The following ARHGAP40 variants were observed in gnomAD, a reference collection of about 807,000 sequenced individuals.
ARHGAP40 encodes the protein Rho GTPase activating protein 40, also known as rho GTPase-activating protein 40.
In ARHGAP40, 43 loss-of-function variants were observed where a neutral mutation model predicts 73.5. The observed-to-expected ratio is 0.58, with a 90% confidence interval of 0.46 to 0.75. The LOEUF (loss-of-function observed/expected upper bound fraction) is 0.75. ARHGAP40 is among the 30% of genes least tolerant of loss of function. The pLI is 0.00. For synonymous variants in ARHGAP40, 300 were observed against 352.8 expected (o/e 0.85, Z 1.68); for missense variants, 734 against 861.8 (o/e 0.85, Z 1.86).
intron 4 of ARHGAP40, 57 bp downstream of exon 4, chr20:38,629,059 G>A (rs1368234305): frequency 8.2e-6 from 10 of 1,216,534 alleles, no homozygotes; most frequent in Non-Finnish European, 1.1e-5. Context: ...ATAAAGGGCT[G>A]CTCTGTGAAG....
exon 15 of ARHGAP40, chr20:38,650,048 G>A (rs1487275670): frequency 5.4e-6 from 2 of 370,710 alleles, no homozygotes; most frequent in Non-Finnish European, 1.0e-5. Flanking sequence ...GGGATGAGGG[G>A]CTAGGGCCTC....
intron 10 of ARHGAP40, 67 bp from the exon 11 acceptor site, chr20:38,643,637 C>A: frequency 8.1e-7 from 1 of 1,227,866 alleles, no homozygotes; most frequent in Non-Finnish European, 1.1e-6. Context: ...ATCAGAATGC[C>A]CTGGGGATGG....
intron 1 of ARHGAP40, among the ~76,000 whole-genome samples, chr20:38,605,491 C>T (rs996630163): frequency 3.3e-5 from 5 of 152,194 alleles, no homozygotes; most frequent in African/African-American, 1.2e-4. Context: ...CATCTTAAAA[C>T]CATGCAATAT....
At chr20:38,639,640 C>T (rs2089002088) in intron 9 of ARHGAP40, among the ~76,000 whole-genome samples, 1 of 152,234 alleles carries the variant, frequency 6.6e-6, no homozygotes, top group Non-Finnish European at 1.5e-5. Flanking sequence ...TAAGGTTTTG[C>T]ACACTACAGT....
intron 1 of ARHGAP40, among the ~76,000 whole-genome samples, chr20:38,614,518 GA>G (rs201351797): frequency 5.9e-5 from 9 of 151,570 alleles, no homozygotes; most frequent in Middle Eastern, 3.4e-3. Flanking sequence ...CAAGAAGGGG[GA>G]AAAAAAACCA....
At chr20:38,622,102 T>C (rs1001463390) in intron 1 of ARHGAP40, among the ~76,000 whole-genome samples, 1 of 150,778 alleles carries the variant, frequency 6.6e-6, no homozygotes, top group Non-Finnish European at 1.5e-5. Context: ...AAAGCACATA[T>C]ATATATATTT....
At chr20:38,639,057 T>C (rs991878948) in intron 8 of ARHGAP40, among the ~76,000 whole-genome samples, 170 bp from the exon 9 acceptor site, 2 of 152,210 alleles carry the variant, frequency 1.3e-5, no homozygotes, top group African/African-American at 4.8e-5. Context: ...CAGAGCTCTG[T>C]GCTCAGTGAC....
At chr20:38,640,627 C>A (rs74819808) in intron 9 of ARHGAP40, among the ~76,000 whole-genome samples, 4 of 152,262 alleles carry the variant, frequency 2.6e-5, no homozygotes, top group Non-Finnish European at 5.9e-5. Context: ...CCACCTCCTC[C>A]GGCTCAGGTC....
intron 2 of ARHGAP40, among the ~76,000 whole-genome samples, chr20:38,625,478 G>A (rs2088894075): frequency 6.6e-6 from 1 of 152,062 alleles, no homozygotes; most frequent in Admixed American, 6.5e-5. Context: ...GGGTGCAGTG[G>A]CACAATCTCA....
chr20:38,624,619 C>G (rs2088889754), intron 2 of ARHGAP40, among the ~76,000 whole-genome samples: 1 of 143,134 alleles, frequency 7.0e-6, no homozygotes, highest in Admixed American at 7.0e-5. Flanking sequence ...GTCCTTGACC[C>G]TAAAAGCACT....
chr20:38,637,950 G>A (rs749809032), intron 7 of ARHGAP40, among the ~76,000 whole-genome samples, 151 bp downstream of exon 7: 1 of 152,082 alleles, frequency 6.6e-6, no homozygotes, highest in East Asian at 1.9e-4. Context: ...GCACTTGCTG[G>A]CTCAGAGACC....
chr20:38,642,825 T>C (rs925141903), intron 10 of ARHGAP40, among the ~76,000 whole-genome samples: 2 of 152,192 alleles, frequency 1.3e-5, no homozygotes, highest in African/African-American at 4.8e-5. Context: ...TGTTTCCTTA[T>C]CTGTAAAACA....
At chr20:38,616,119 A>G (rs1050613135) in intron 1 of ARHGAP40, among the ~76,000 whole-genome samples, 53 of 152,312 alleles carry the variant, frequency 3.5e-4, no homozygotes, top group Non-Finnish European at 6.9e-4. Flanking sequence ...GCTTGCCCAG[A>G]GCCAAAGGCA....
intron 1 of ARHGAP40, among the ~76,000 whole-genome samples, chr20:38,605,048 A>G (rs920392487): frequency 2.6e-5 from 4 of 151,892 alleles, no homozygotes; most frequent in East Asian, 3.9e-4. Context: ...AGCTCCCCCA[A>G]TCCTTTGAGT....
At position 38,638,814 on chromosome 20, in the gene ARHGAP40, G is replaced by T. The variant is rs995185283; in HGVS notation, c.1095G>T (p.Val365=). ...TGGACATGGAAGGCATTCTCAGGGT[G>T]CCCGGATCCCAGGCCAGGGTCAAGG... is the stretch of plus-strand genomic sequence containing the variant. The change falls in exon 8 of 15, where the codon GTG becomes GTT. Residue 365 remains valine (V), a synonymous_variant. Transcript: ENST00000373345. 6.9e-6 allele frequency: 9 copies of T among 1,305,430 alleles called. No individual in the cohort carries two copies. In the Middle Eastern group the frequency reaches 8.5e-4, roughly 124 times the overall value. The allele number at this position is 1,305,430 out of a possible 1,614,324, so 80.9% of individuals were successfully genotyped here.
At position 38,639,398 on chromosome 20, in the gene ARHGAP40, C is replaced by T; in HGVS notation, c.1279+12C>T. Reference sequence around the variant, plus strand: ...CGCCGTGGTGCCTAGTGAGTGTGCCCAAGCCCTTAGCCTGTGCAGGGATGG... The same window carrying T: ...CGCCGTGGTGCCTAGTGAGTGTGCCTAAGCCCTTAGCCTGTGCAGGGATGG... On this transcript the variant is annotated intron_variant, in intron 9 of 14. Coordinates refer to ENST00000373345, the Ensembl canonical transcript of ARHGAP40. 1.5e-6 allele frequency: 2 copies of T among 1,305,234 alleles called. No homozygotes were observed. The highest frequency in any genetic ancestry group is 2.0e-6 in the Non-Finnish European group (2 of 988,810). The allele number at this position is 1,305,234 out of a possible 1,614,324, so 80.9% of individuals were successfully genotyped here.
At chr20:38,640,094 C>G (rs1170058001) in intron 9 of ARHGAP40, among the ~76,000 whole-genome samples, 4 of 86,688 alleles carry the variant, frequency 4.6e-5, no homozygotes, top group Non-Finnish European at 9.5e-5. Flanking sequence ...TGTTGTTCTT[C>G]TTCTTCTTCC....
At chr20:38,606,870 T>C (rs1164286875) in intron 1 of ARHGAP40, among the ~76,000 whole-genome samples, 1 of 152,168 alleles carries the variant, frequency 6.6e-6, no homozygotes, top group African/African-American at 2.4e-5. Flanking sequence ...CACCTACACA[T>C]GGTTTAAATA....
rs73905664 is a variant in ARHGAP40 at position 38,649,948 on chromosome 20, G to C, written c.*100G>C. 4.7e-3 allele frequency: 4,283 copies of C among 916,616 alleles called. 138 individuals are homozygous for C. In the African/African-American group the frequency reaches 0.066, roughly 14 times the overall value. The allele number at this position is 916,616 out of a possible 1,614,324, so 56.8% of individuals were successfully genotyped here. Reference sequence around the variant, plus strand: ...GAGAACAAAGCTATTCCAGGGGAGGGTCTGAGTTTTATTCCAAGGCTTCCT... The same window carrying C: ...GAGAACAAAGCTATTCCAGGGGAGGCTCTGAGTTTTATTCCAAGGCTTCCT... On this transcript the variant is annotated 3_prime_UTR_variant, in exon 15 of 15. Transcript: ENST00000373345.
Sources: allele counts gnomAD v4.1 joint callset (sites outside exome capture counted in the v4.1 genomes callset), GRCh38; gene constraint gnomAD v4.1.1; transcripts MANE v1.5; gene names NCBI Gene and HGNC (gene_info 2026-07-23, HGNC 2026-07-21).